EIF1B: variants seen among roughly 807,000 people sequenced by gnomAD.
EIF1B encodes eukaryotic translation initiation factor 1B.
EIF1B carries 5 observed loss-of-function variants against 14.8 expected under a neutral mutation model. That is an observed-to-expected ratio of 0.34 (90% CI 0.18 to 0.71). The LOEUF is 0.71. Ranked by LOEUF, EIF1B falls within the 30% of genes least tolerant of loss-of-function variation. EIF1B has a pLI of 0.64. For missense variants in EIF1B, 56 were observed against 134.0 expected (o/e 0.42, Z 2.87); for synonymous variants, 45 against 45.8 (o/e 0.98, Z 0.07).
chr3:40,311,697 C>A, intron 3 of EIF1B, 126 bp downstream of exon 3: 1 of 803,568 alleles, frequency 1.2e-6, no homozygotes, highest in Non-Finnish European at 2.0e-6. Flanking sequence ...GAAATAAAGA[C>A]ATGGTAGTTA....
intron 2 of EIF1B, 84 bp downstream of exon 2, chr3:40,311,140 G>C: frequency 7.5e-7 from 1 of 1,328,008 alleles, no homozygotes; most frequent in Non-Finnish European, 1.0e-6. Flanking sequence ...TATCGGCGTG[G>C]ATGAAAATAA....
Position 40,310,908 on chromosome 3 carries a change from C to G in EIF1B, c.47C>G (p.Ala16Gly). 1.3e-6 allele frequency: 2 copies of G among 1,599,464 alleles called. No homozygotes were observed. Among genetic ancestry groups the G allele is most frequent in the Non-Finnish European group, 1.7e-6 (2 of 1,174,190 alleles). The change falls in exon 2 of 4, where the codon GCA (alanine) becomes GGA (glycine). Residue 16 changes from alanine (A) to glycine (G), a missense_variant. By Grantham distance (60) the Ala-to-Gly change is moderately conservative. Around this residue, in one of 3 missense-constraint regions of EIF1B, gnomAD observed 20 missense variants for 29.2 expected, o/e 0.69. Transcript: ENST00000232905. ...CCATTCGCAGACCCCTTTGCTGATG[C>G]AACTAAGGGTGACGACTTACTCCCG... is the stretch of plus-strand genomic sequence containing the variant. ...NLQSFDPFAD[A>G]TKGDDLLPAG...
In EIF1B at chr3:40,311,565, C is replaced by G; in HGVS notation, c.291C>G (p.Leu97=). Residue 97 remains leucine, a synonymous_variant, in exon 3 of 4, where the codon CTC becomes CTG. Coordinates refer to ENST00000232905, the MANE Select transcript of EIF1B (RefSeq NM_005875.3). ...AAAGAAAAAACATCTGCCAGTTTCT[C>G]TTGGAGGTGAGTGATTGGGTGCTTT... is the stretch of plus-strand genomic sequence containing the variant. ...GDQRKNICQF[L]LEVGIVKEEQ... is the part of the protein sequence containing the mutation. The G allele has an allele frequency of 6.2e-7, 1 of 1,612,602 alleles. No individual in the cohort carries two copies. The highest frequency in any genetic ancestry group is 8.5e-7 in the Non-Finnish European group (1 of 1,178,994).
Position 40,312,046 on chromosome 3 carries a change from A to G in EIF1B, c.*32A>G. ...CCTAAATACGTGGAGAATTTCTTGAATAGTTTTGTTCTCTAAACCCGGTTT... is the reference window on the plus strand; with the variant it reads ...CCTAAATACGTGGAGAATTTCTTGAGTAGTTTTGTTCTCTAAACCCGGTTT... On this transcript the variant is annotated 3_prime_UTR_variant, in exon 4 of 4. Coordinates refer to ENST00000232905, the MANE Select transcript of EIF1B (RefSeq NM_005875.3). 1.3e-6 allele frequency: 2 copies of G among 1,564,760 alleles called. No homozygotes were observed. Among genetic ancestry groups the G allele is most frequent in the East Asian group, 4.5e-5 (2 of 44,616 alleles).
chr3:40,311,733 GTTTAT>G (rs1954328560), intron 3 of EIF1B, 162 bp downstream of exon 3: 1 of 677,508 alleles, frequency 1.5e-6, no homozygotes, highest in African/African-American at 1.8e-5. Context: ...CCTTTATCTG[GTTTAT>G]TTTGTCATTA....
At chr3:40,311,610 C>A in intron 3 of EIF1B, 39 bp downstream of exon 3, 1 of 1,487,172 alleles carries the variant, frequency 6.7e-7, no homozygotes, top group Non-Finnish European at 9.3e-7. Context: ...CTTGAGATTG[C>A]TTTTAAAATT....
chr3:40,309,913 T>G lies in EIF1B; in HGVS notation c.-29T>G. On this transcript the variant is annotated 5_prime_UTR_variant, in exon 1 of 4. Coordinates refer to ENST00000232905, the MANE Select transcript of EIF1B (RefSeq NM_005875.3). ...CCGGGCGGGCCCCGCAGGAATTTTA[T>G]CCCCTCACCGGCCTCACACTAGTAT... 6.2e-7 allele frequency: 1 copy of G among 1,613,524 alleles called. No individual in the cohort carries two copies. Among genetic ancestry groups the G allele is most frequent in the East Asian group, 2.2e-5 (1 of 44,828 alleles).
chr3:40,312,390 C>A lies in EIF1B; in HGVS notation c.*376C>A. 5.4e-6 allele frequency: 1 copy of A among 185,090 alleles called. No homozygotes were observed. The highest frequency in any genetic ancestry group is 1.1e-5 in the Non-Finnish European group (1 of 90,182). The allele number at this position is 185,090 out of a possible 1,614,324, so 11.5% of individuals were successfully genotyped here. On this transcript the variant is annotated 3_prime_UTR_variant, in exon 4 of 4. Coordinates refer to ENST00000232905, the MANE Select transcript of EIF1B (RefSeq NM_005875.3). ...TTTGTGAGCAATTATGCTCCCAAAT[C>A]TAAGCAAGTAAAATACACATTTTGT...
chr3:40,309,735 G>A lies in EIF1B; in HGVS notation c.-207G>A, dbSNP rs920766746. The A allele has an allele frequency of 3.8e-5, 22 of 577,396 alleles. No homozygotes were observed. The highest frequency in any genetic ancestry group is 4.1e-4 in the Middle Eastern group (1 of 2,442). 35.8% of individuals were successfully genotyped at this position (577,396 alleles called of 1,614,324 possible). On this transcript the variant is annotated 5_prime_UTR_variant, in exon 1 of 4. Coordinates refer to ENST00000232905, the MANE Select transcript of EIF1B (RefSeq NM_005875.3). ...AAGCCGCAGCGCCGCCTCTTCTCTC[G>A]CGCCCTCGCCTCTTCCTCCGCCTCC...
At chr3:40,311,351 C>A in intron 2 of EIF1B, 119 bp from the exon 3 acceptor site, 1 of 712,798 alleles carries the variant, frequency 1.4e-6, no homozygotes, top group Non-Finnish European at 2.3e-6. Context: ...TTATAGGAGA[C>A]AAAATCTGTT....
chr3:40,310,081 T>A, intron 1 of EIF1B, 109 bp downstream of exon 1: 1 of 1,423,002 alleles, frequency 7.0e-7, no homozygotes, highest in Non-Finnish European at 9.8e-7. Context: ...CCCGCACCCC[T>A]AGTGGGGCTT....
intron 3 of EIF1B, 65 bp from the exon 4 acceptor site, chr3:40,311,905 A>G: frequency 7.2e-6 from 9 of 1,247,622 alleles, no homozygotes; most frequent in Non-Finnish European, 9.4e-6. Flanking sequence ...TTACTCTTCC[A>G]TGTTTTCTTA....
intron 1 of EIF1B, among the ~76,000 whole-genome samples, chr3:40,310,237 C>T (rs570125182): frequency 9.8e-5 from 15 of 152,380 alleles, no homozygotes; most frequent in Admixed American, 7.8e-4. Context: ...CTCGCCTCCG[C>T]TTCTGCCCCT....
Position 40,309,876 on chromosome 3 carries a change from T to C in EIF1B, c.-66T>C, listed in dbSNP as rs1331552629. 6.3e-7 allele frequency: 1 copy of C among 1,574,866 alleles called. No individual in the cohort carries two copies. Among genetic ancestry groups the C allele is most frequent in the African/African-American group, 1.3e-5 (1 of 74,100 alleles). On this transcript the variant is annotated 5_prime_UTR_variant, in exon 1 of 4. Transcript: ENST00000232905. ...CCGTTTTCTCGCCACTACAGCCTCC[T>C]GACAAGGTGATCCGGGCGGGCCCCG... is the stretch of plus-strand genomic sequence containing the variant.
Position 40,312,345 on chromosome 3 carries a change from T to TA in EIF1B, c.*340dup, listed in dbSNP as rs3836541. 69,716 of 188,352 alleles carry TA rather than the reference T, an allele frequency of 0.37. 13,373 individuals carry two copies. The highest frequency in any genetic ancestry group is 0.63 in the East Asian group (4,033 of 6,432). The allele number at this position is 188,352 out of a possible 1,614,324, so 11.7% of individuals were successfully genotyped here. A position where few individuals can be genotyped will look rare whatever the true frequency, so the allele number is the denominator to read the frequency against. The stretch of plus-strand genomic sequence containing the variant: ...AACCATGTACGTTGCAGCTTAACAA[T>TA]AAAAAAAAATCTATGAATCTTTGTG... On this transcript the variant is annotated 3_prime_UTR_variant, in exon 4 of 4. Coordinates refer to ENST00000232905, the MANE Select transcript of EIF1B (RefSeq NM_005875.3).
intron 3 of EIF1B, 152 bp downstream of exon 3, chr3:40,311,723 C>A: frequency 1.4e-6 from 1 of 698,428 alleles, no homozygotes; most frequent in Non-Finnish European, 2.4e-6. Context: ...AAAGCAAAGA[C>A]CTTTATCTGG....
Position 40,311,023 on chromosome 3 carries a change from T to C in EIF1B, c.162T>C (p.Tyr54=), listed in dbSNP as rs1954319564. 3 of 1,613,706 alleles carry C rather than the reference T, an allele frequency of 1.9e-6. No individual in the cohort carries two copies. Among genetic ancestry groups the C allele is most frequent in the Middle Eastern group, 1.7e-4 (1 of 6,060 alleles). Residue 54 remains tyrosine (Y), a synonymous_variant, in exon 2 of 4, where the codon TAT becomes TAC. Transcript: ENST00000232905. ...CTGTTCAGGGCATTGCAGATGATTA[T>C]GACAAAAAGAAACTTGTGAAAGCTT... ...LTTVQGIADD[Y]DKKKLVKAFK...
chr3:40,309,739 C>A lies in EIF1B; in HGVS notation c.-203C>A, dbSNP rs889363457. The A allele has an allele frequency of 8.4e-6, 5 of 598,574 alleles. No individual in the cohort carries two copies. The South Asian group carries it at 1.0e-4, about 13-fold the overall frequency. 37.1% of individuals were successfully genotyped at this position (598,574 alleles called of 1,614,324 possible). On this transcript the variant is annotated 5_prime_UTR_variant, in exon 1 of 4. Transcript: ENST00000232905. ...CGCAGCGCCGCCTCTTCTCTCGCGC[C>A]CTCGCCTCTTCCTCCGCCTCCTCCT...
rs190781174 is a variant in EIF1B, at chr3:40,310,669, C to T, written c.32-224C>T. 1,411 of 390,988 alleles carry T rather than the reference C, an allele frequency of 3.6e-3. 3 individuals carry two copies. The highest frequency in any genetic ancestry group is 5.5e-3 in the Middle Eastern group (8 of 1,466). The allele number at this position is 390,988 out of a possible 1,614,324, so 24.2% of individuals were successfully genotyped here. ...ATTATTTATCTATAACAGCGTTTTT[C>T]TACAATGGACATAGCTGTTCAAATG... On this transcript the variant is annotated intron_variant, in intron 1 of 3. Transcript: ENST00000232905.
Sources: allele counts gnomAD v4.1 joint callset (sites outside exome capture counted in the v4.1 genomes callset), GRCh38; gene constraint gnomAD v4.1.1; regional missense constraint gnomAD v4.1.1; transcripts MANE v1.5; gene names NCBI Gene and HGNC (gene_info 2026-07-23, HGNC 2026-07-21).